RAB38: variants seen among roughly 807,000 people sequenced by gnomAD.
The protein encoded by RAB38 is ras-related protein Rab-38.
RAB38 carries 15 observed loss-of-function variants against 18.4 expected under a neutral mutation model. The ratio of observed to expected loss-of-function variants is 0.82; its 90% CI spans 0.55 to 1.26. The LOEUF (loss-of-function observed/expected upper bound fraction) is 1.26. RAB38 is among the 50% of genes most tolerant of loss of function. The pLI is 0.00. For synonymous variants in RAB38, 101 were observed against 104.4 expected, an observed-to-expected ratio of 0.97 and a Z score of 0.20; for missense variants, 294 against 267.4, an observed-to-expected ratio of 1.10 and a Z score of -0.69.
the RAB38 span, among the ~76,000 whole-genome samples, chr11:87,913,768 G>A: frequency 6.6e-6 from 1 of 152,090 alleles, no homozygotes; most frequent in Non-Finnish European, 1.5e-5. Flanking sequence ...TGCCCCCTCA[G>A]GTTTTGCCTC....
the RAB38 span, among the ~76,000 whole-genome samples, chr11:87,878,344 T>C: frequency 6.7e-6 from 1 of 149,852 alleles, no homozygotes; most frequent in Non-Finnish European, 1.5e-5. Context: ...TCTATCTATC[T>C]ATCATCTGTC....
chr11:88,024,033 A>T, the RAB38 span, among the ~76,000 whole-genome samples: 4 of 152,196 alleles, frequency 2.6e-5, no homozygotes, highest in Non-Finnish European at 5.9e-5. Flanking sequence ...ACTAAAGCAA[A>T]CATGAACAAA....
chr11:88,086,092 A>T, the RAB38 span, among the ~76,000 whole-genome samples: 1 of 151,906 alleles, frequency 6.6e-6, no homozygotes, highest in Non-Finnish European at 1.5e-5. Flanking sequence ...ATAGTTTAAT[A>T]ATAATATCTT....
chr11:88,072,705 G>A, the RAB38 span, among the ~76,000 whole-genome samples: 1 of 151,936 alleles, frequency 6.6e-6, no homozygotes, highest in African/African-American at 2.4e-5. Context: ...ATGACTGAGC[G>A]AAAGCAGGGC....
At chr11:88,024,966 A>T in the RAB38 span, among the ~76,000 whole-genome samples, 2 of 152,146 alleles carry the variant, frequency 1.3e-5, no homozygotes, top group African/African-American at 2.4e-5. Context: ...CAACGGAGAG[A>T]CTAGAGTCAA....
the RAB38 span, among the ~76,000 whole-genome samples, chr11:87,895,613 A>G: frequency 2.0e-5 from 3 of 151,686 alleles, no homozygotes; most frequent in Admixed American, 6.6e-5. Context: ...TAGACAATGG[A>G]GAGTCTCTTT....
the RAB38 span, among the ~76,000 whole-genome samples, chr11:87,976,128 ATGTG>A: frequency 1.3e-5 from 2 of 149,076 alleles, no homozygotes; most frequent in Admixed American, 6.8e-5. Context: ...AAATATATAT[ATGTG>A]TGTGTGTGTA....
At chr11:88,155,016 T>C (rs80089378) in intron 1 of RAB38, among the ~76,000 whole-genome samples, 9,188 of 152,298 alleles carry the variant, frequency 0.06, 343 homozygotes, top group Non-Finnish European at 0.08. Flanking sequence ...CTGAAGCACT[T>C]ACTCTCTTGG....
At chr11:88,137,485 T>C (rs1297812091) in intron 2 of RAB38, among the ~76,000 whole-genome samples, 1 of 151,958 alleles carries the variant, frequency 6.6e-6, no homozygotes, top group Non-Finnish European at 1.5e-5. Flanking sequence ...AAAATTATAA[T>C]AAAAGACTGG....
At chr11:87,870,205 C>A in the RAB38 span, among the ~76,000 whole-genome samples, 1 of 151,388 alleles carries the variant, frequency 6.6e-6, no homozygotes, top group African/African-American at 2.4e-5. Flanking sequence ...TTATGAGCAC[C>A]TCATTAAAGA....
the RAB38 span, among the ~76,000 whole-genome samples, chr11:87,849,612 AC>A: frequency 6.6e-6 from 1 of 151,934 alleles, no homozygotes; most frequent in Non-Finnish European, 1.5e-5. Flanking sequence ...TAGATATCTC[AC>A]CCCTCCTTCC....
At chr11:88,079,400 T>A in the RAB38 span, among the ~76,000 whole-genome samples, 1 of 151,814 alleles carries the variant, frequency 6.6e-6, no homozygotes, top group Non-Finnish European at 1.5e-5. Context: ...TAGTTCTATA[T>A]TATTTAAGAA....
chr11:88,018,851 T>C, the RAB38 span, among the ~76,000 whole-genome samples: 6,522 of 152,260 alleles, frequency 0.043, 150 homozygotes, highest in South Asian at 0.065. Flanking sequence ...CAATCAGAGA[T>C]TGATTGGTTG....
At chr11:87,852,153 TC>T in the RAB38 span, among the ~76,000 whole-genome samples, 2 of 152,120 alleles carry the variant, frequency 1.3e-5, no homozygotes, top group Non-Finnish European at 2.9e-5. Flanking sequence ...GATATTCCTT[TC>T]CTCTGGGTAT....
chr11:87,946,892 T>C, the RAB38 span, among the ~76,000 whole-genome samples: 6 of 152,158 alleles, frequency 3.9e-5, no homozygotes, highest in South Asian at 1.3e-3. Flanking sequence ...TTACAATCCT[T>C]TGGGTATATA....
chr11:88,127,213 T>G (rs1357156921), intron 2 of RAB38, among the ~76,000 whole-genome samples: 1 of 152,230 alleles, frequency 6.6e-6, no homozygotes, highest in Non-Finnish European at 1.5e-5. Flanking sequence ...AAGCAGTTTC[T>G]CATTCTGGGC....
At chr11:88,139,326 G>A (rs780178732) in intron 2 of RAB38, among the ~76,000 whole-genome samples, 6 of 152,116 alleles carry the variant, frequency 3.9e-5, no homozygotes, top group Non-Finnish European at 5.9e-5. Flanking sequence ...GTCTTCCTTT[G>A]AGGCCTCTCT....
At chr11:87,934,764 A>G in the RAB38 span, among the ~76,000 whole-genome samples, 3 of 152,128 alleles carry the variant, frequency 2.0e-5, no homozygotes, top group East Asian at 5.8e-4. Context: ...CATCTGAGGT[A>G]TTTAACAGAA....
At chr11:87,818,623 G>A in the RAB38 span, among the ~76,000 whole-genome samples, 1 of 152,074 alleles carries the variant, frequency 6.6e-6, no homozygotes, top group Non-Finnish European at 1.5e-5. Context: ...AAGCATTAGG[G>A]TCAGATAGAC....
Sources: allele counts gnomAD v4.1 joint callset (sites outside exome capture counted in the v4.1 genomes callset), GRCh38; gene constraint gnomAD v4.1.1; transcripts MANE v1.5; gene names NCBI Gene and HGNC (gene_info 2026-07-23, HGNC 2026-07-21).